Variants in CSMD1 observed in about 807,000 individuals in gnomAD.
The protein encoded by CSMD1 is CUB and sushi domain-containing protein 1.
A neutral mutation model predicts 417.5 loss-of-function variants in CSMD1; 213 were observed. That is an observed-to-expected ratio of 0.51 (90% confidence interval 0.46 to 0.57). The LOEUF (loss-of-function observed/expected upper bound fraction) is 0.57, where lower values mean the gene tolerates loss of function less well. CSMD1 is among the 20% of genes least tolerant of loss of function. CSMD1 has a pLI of 0.00. For synonymous variants in CSMD1, 2,862 were observed against 1,736.8 expected, an observed-to-expected ratio of 1.65 and a Z score of -16.11; for missense variants, 6,923 against 4,529.7, an observed-to-expected ratio of 1.53 and a Z score of -15.17.
intron 3 of CSMD1, among the ~76,000 whole-genome samples, chr8:4,187,280 C>T (rs1024715704): frequency 2.6e-5 from 4 of 152,170 alleles, no homozygotes; most frequent in Admixed American, 1.3e-4. Flanking sequence ...TTAGGGAATA[C>T]TGATGCTCTT....
Position 3,998,097 on chromosome 8 carries a change from G to C in CSMD1, c.624C>G (p.Cys208Trp), listed in dbSNP as rs529835549. 6.4e-7 allele frequency: 1 copy of C among 1,571,606 alleles called. No individual in the cohort carries two copies. The highest frequency in any genetic ancestry group is 8.6e-7 in the Non-Finnish European group (1 of 1,157,472). ...PAPFCRAEGA[C>W]GGTLRGTSSS... ...TGCTGGTCCCGCGTAAGGTTCCTCCGCAGGCTCCCTCAGCTGCAGGGGCAA... is the reference window on the plus strand; with the variant it reads ...TGCTGGTCCCGCGTAAGGTTCCTCCCCAGGCTCCCTCAGCTGCAGGGGCAA... Residue 208 changes from cysteine to tryptophan, a missense_variant, in exon 5 of 70, where the codon TGC (cysteine) becomes TGG (tryptophan). Cys to Trp is a radical substitution (Grantham distance 215, BLOSUM62 -2). Transcript: ENST00000635120.
intron 5 of CSMD1, among the ~76,000 whole-genome samples, chr8:3,932,907 C>G (rs961921171): frequency 1.9e-4 from 29 of 150,198 alleles, no homozygotes; most frequent in African/African-American, 6.4e-4. Flanking sequence ...TAGCAACACA[C>G]TTCTATTTAG....
intron 3 of CSMD1, among the ~76,000 whole-genome samples, chr8:4,211,916 C>G (rs928679629): frequency 3.9e-5 from 6 of 152,134 alleles, no homozygotes; most frequent in African/African-American, 1.4e-4. Context: ...CATCAATGTA[C>G]TATTAGGAAG....
chr8:4,926,595 G>A lies in CSMD1; in HGVS notation c.85+67737C>T, dbSNP rs183957398. Among the ~76,000 whole-genome samples, 505 of 152,214 alleles carry A rather than the reference G, an allele frequency of 3.3e-3. 2 individuals carry two copies. The highest frequency in any genetic ancestry group is 0.011 in the African/African-American group (465 of 41,546). On this transcript the variant is annotated intron_variant, in intron 1 of 69. Coordinates refer to ENST00000635120, the MANE Select transcript of CSMD1 (RefSeq NM_033225.6). ...GGGAAAAACCAACTCAAATAATAAA[G>A]AAAATATGGAATAAAAAGCATGTAT... is the stretch of plus-strand genomic sequence containing the variant.
chr8:4,447,398 G>C (rs542659807), intron 2 of CSMD1, among the ~76,000 whole-genome samples: 1 of 152,178 alleles, frequency 6.6e-6, no homozygotes, highest in African/African-American at 2.4e-5. Flanking sequence ...GAATGATTGG[G>C]AAAGGAAGCC....
intron 3 of CSMD1, among the ~76,000 whole-genome samples, chr8:4,306,819 C>G (rs190834685): frequency 7.4e-6 from 1 of 135,822 alleles, no homozygotes; most frequent in Admixed American, 8.0e-5. Context: ...CAATCAATCC[C>G]TAACATCTCC....
rs58002310 is a variant in CSMD1, at chr8:4,446,755, C to CTGTGTG, written c.303-26696_303-26691dup. 1.8e-3 allele frequency among the ~76,000 whole-genome samples: 243 copies of CTGTGTG among 133,000 alleles called. 1 individual carries two copies. The highest frequency in any genetic ancestry group is 3.4e-3 in the East Asian group (16 of 4,652). The allele number at this position is 133,000 out of a possible 152,430, so 87.3% of individuals were successfully genotyped here. A position where few individuals can be genotyped will look rare whatever the true frequency, so the allele number is the denominator to read the frequency against. On this transcript the variant is annotated intron_variant, in intron 2 of 69. Transcript: ENST00000635120. Reference sequence around the variant, plus strand: ...TGTCTGTGTGTGTGTGTGTGTGTGTCTGTGTGTGTGTGTGTGTGTGTGTGT... The same window carrying CTGTGTG: ...TGTCTGTGTGTGTGTGTGTGTGTGTCTGTGTGTGTGTGTGTGTGTGTGTGTGTGTGT...
intron 37 of CSMD1, among the ~76,000 whole-genome samples, chr8:3,169,748 G>C (rs1820462890): frequency 6.6e-6 from 1 of 152,136 alleles, no homozygotes; most frequent in South Asian, 2.1e-4. Flanking sequence ...GCACCTGTGA[G>C]ATATAGCACG....
intron 2 of CSMD1, among the ~76,000 whole-genome samples, chr8:4,570,559 C>T (rs1045028156): frequency 6.6e-6 from 1 of 152,160 alleles, no homozygotes; most frequent in Admixed American, 6.5e-5. Context: ...AGGATTTTCA[C>T]ATCGATGTTC....
chr8:4,242,388 A>C (rs1802453913), intron 3 of CSMD1, among the ~76,000 whole-genome samples: 1 of 152,162 alleles, frequency 6.6e-6, no homozygotes, highest in Non-Finnish European at 1.5e-5. Flanking sequence ...AGAAGAAAAC[A>C]CTTCCCCCAC....
At position 3,919,389 on chromosome 8, in the gene CSMD1, G is replaced by T. The variant is rs796972952; in HGVS notation, c.818+78514C>A. ...TTGTCTCAATCTCATGTGTTGAAGA[G>T]ACTCTCTTTTCCCCCATTGTGTCTT... On this transcript the variant is annotated intron_variant, in intron 5 of 69. Transcript: ENST00000635120. Among the ~76,000 whole-genome samples the T allele has an allele frequency of 2.6e-5, 4 of 152,018 alleles. No individual in the cohort carries two copies. In the South Asian group the frequency reaches 6.2e-4, roughly 24 times the overall value.
intron 5 of CSMD1, among the ~76,000 whole-genome samples, chr8:3,773,794 G>C (rs565914626): frequency 8.5e-5 from 13 of 152,220 alleles, no homozygotes; most frequent in African/African-American, 3.1e-4. Context: ...CATTCAAGTG[G>C]CAGGCCCATC....
chr8:4,085,725 T>C (rs907365999), intron 3 of CSMD1, among the ~76,000 whole-genome samples: 1 of 152,122 alleles, frequency 6.6e-6, no homozygotes, highest in South Asian at 2.1e-4. Flanking sequence ...ATTCTGGAAA[T>C]GACCTAATAG....
intron 5 of CSMD1, among the ~76,000 whole-genome samples, chr8:3,917,183 G>A (rs149524457): frequency 6.6e-6 from 1 of 152,146 alleles, no homozygotes; most frequent in Admixed American, 6.5e-5. Flanking sequence ...AATATTTATG[G>A]AGCGCTTAAT....
chr8:3,716,718 T>C (rs1801862029), intron 6 of CSMD1, among the ~76,000 whole-genome samples: 1 of 152,132 alleles, frequency 6.6e-6, no homozygotes, highest in South Asian at 2.1e-4. Context: ...AGCCTTACTT[T>C]CTCCAGCCCC....
At position 3,710,251 on chromosome 8, in the gene CSMD1, G is replaced by A. The variant is rs976900670; in HGVS notation, c.932-1760C>T. On this transcript the variant is annotated intron_variant, in intron 6 of 69. Transcript: ENST00000635120. ...AGAGTCTAAAAATAAGTGGATCCATGCAGTTTAAACCTATGCTGCTCAAGG... is the reference window on the plus strand; with the variant it reads ...AGAGTCTAAAAATAAGTGGATCCATACAGTTTAAACCTATGCTGCTCAAGG... Among the ~76,000 whole-genome samples the A allele has an allele frequency of 7.2e-5, 11 of 152,072 alleles. No homozygotes were observed. In the East Asian group the frequency reaches 1.9e-3, roughly 27 times the overall value.
At chr8:4,770,416 T>C (rs1198711709) in intron 1 of CSMD1, among the ~76,000 whole-genome samples, 1 of 150,114 alleles carries the variant, frequency 6.7e-6, no homozygotes, top group Non-Finnish European at 1.5e-5. Flanking sequence ...TATTTCCTAA[T>C]TCTTATCAAA....
Position 4,904,506 on chromosome 8 carries a change from C to T in CSMD1, c.85+89826G>A, listed in dbSNP as rs112479011. On this transcript the variant is annotated intron_variant, in intron 1 of 69. Coordinates refer to ENST00000635120, the MANE Select transcript of CSMD1 (RefSeq NM_033225.6). ...AGGGCTCAATCGTCCTGACTCAGAG[C>T]CTACTACCCTTTCCAGGTCCTACAC... Among the ~76,000 whole-genome samples the T allele has an allele frequency of 3.9e-3, 590 of 152,214 alleles. 2 individuals carry two copies. Among genetic ancestry groups the T allele is most frequent in the Non-Finnish European group, 7.1e-3 (485 of 68,012 alleles).
chr8:4,905,467 A>G (rs1198758796), intron 1 of CSMD1, among the ~76,000 whole-genome samples: 1 of 152,178 alleles, frequency 6.6e-6, no homozygotes, highest in East Asian at 1.9e-4. Context: ...TGCTTTAGGC[A>G]TTCTAAAACA....
Sources: gnomAD v4.1 joint callset for allele counts (sites outside exome capture counted in the v4.1 genomes callset) on GRCh38, gnomAD v4.1.1 for gene constraint, MANE v1.5 for transcripts, NCBI Gene and HGNC (gene_info 2026-07-23, HGNC 2026-07-21) for gene names.